PPP1R10: variants seen among roughly 807,000 people sequenced by gnomAD.
PPP1R10 encodes the protein serine/threonine-protein phosphatase 1 regulatory subunit 10.
A neutral mutation model predicts 99.0 loss-of-function variants in PPP1R10; 15 were observed. The ratio of observed to expected loss-of-function variants is 0.15; its 90% CI spans 0.10 to 0.23. PPP1R10 has a LOEUF of 0.23. Ranked by LOEUF, PPP1R10 falls within the 10% of genes least tolerant of loss-of-function variation. The pLI, the probability that PPP1R10 is intolerant of heterozygous loss-of-function variation, is 1.00. For missense variants in PPP1R10, 947 were observed against 1,259.4 expected, an observed-to-expected ratio of 0.75 and a Z score of 3.75; for synonymous variants, 430 against 449.5, an observed-to-expected ratio of 0.96 and a Z score of 0.55.
At position 30,603,635 on chromosome 6, in the gene PPP1R10, T is replaced by G. The variant is rs1803608305; in HGVS notation, c.1604A>C (p.Glu535Ala). The G allele has an allele frequency of 6.2e-7, 1 of 1,611,214 alleles. No homozygotes were observed. ...ACCTGACCCCCCAGGTTCCAGAGTC[T>G]CAACATACGGAGTCTCATCCATGGA... is the stretch of plus-strand genomic sequence containing the variant. ...ECSMDETPYV[E>A]TLEPGGSGGS... The change falls in exon 16 of 20, where the codon GAG (glutamate) becomes GCG (alanine). Residue 535 changes from glutamate (E) to alanine (A), a missense_variant. Glu to Ala is a moderately radical substitution (Grantham distance 107, BLOSUM62 -1). This residue lies in a region of PPP1R10 where 525 missense variants were observed against 578.8 expected (regional missense o/e 0.91). Coordinates refer to ENST00000376511, the MANE Select transcript of PPP1R10 (RefSeq NM_002714.4).
chr6:30,612,694 C>G (rs1804678860), intron 2 of PPP1R10, among the ~76,000 whole-genome samples: 1 of 152,000 alleles, frequency 6.6e-6, no homozygotes, highest in African/African-American at 2.4e-5. Context: ...AATTAAGGAC[C>G]CCAAGTGTCT....
chr6:30,615,298 G>A (rs936287371), intron 2 of PPP1R10, among the ~76,000 whole-genome samples: 21 of 150,002 alleles, frequency 1.4e-4, no homozygotes, highest in African/African-American at 5.1e-4. Flanking sequence ...ATTTTGATCA[G>A]TAAGAGCGTA....
At position 30,606,994 on chromosome 6, in the gene PPP1R10, AG is replaced by A. The variant is rs1804020188; in HGVS notation, c.383-139del. ...AACCCAAAGTTTTAAGAAGAACATG[AG>A]ATATGCTTAAAAACCAAACCCTTAA... On this transcript the variant is annotated intron_variant, in intron 6 of 19. Transcript: ENST00000376511. This position sits in a 1 kb window ranked among gnomAD's most constrained non-coding sequence, Gnocchi z 6.3. 1 of 756,640 alleles carries A rather than the reference AG, an allele frequency of 1.3e-6. No individual in the cohort carries two copies. The highest frequency in any genetic ancestry group is 1.8e-5 in the African/African-American group (1 of 56,370). The allele number at this position is 756,640 out of a possible 1,614,324, so 46.9% of individuals were successfully genotyped here. A position where few individuals can be genotyped will look rare whatever the true frequency, so the allele number is the denominator to read the frequency against.
rs368883966 is a variant in PPP1R10 at position 30,609,973 on chromosome 6, A to G, written c.-11-18T>C. On this transcript the variant is annotated intron_variant, in intron 2 of 19. Coordinates refer to ENST00000376511, the MANE Select transcript of PPP1R10 (RefSeq NM_002714.4). This position sits in a 1 kb window ranked among gnomAD's most constrained non-coding sequence, Gnocchi z 4.5. ...GGTGGTTTCTATGGTAAGAGGACAA[A>G]ACAAACAAACCCACAGAATAAATGG... 1,085 of 1,551,266 alleles carry G rather than the reference A, an allele frequency of 7.0e-4. 7 individuals carry two copies. The highest frequency in any genetic ancestry group is 4.5e-3 in the South Asian group (406 of 89,766).
At position 30,605,915 on chromosome 6, in the gene PPP1R10, A is replaced by G; in HGVS notation, c.853+8T>C. Reference sequence around the variant, plus strand: ...ATTCAAAGTACATCTTCCCCACTTTAGACTCACGCTGTGGCGGGATGATCT... The same window carrying G: ...ATTCAAAGTACATCTTCCCCACTTTGGACTCACGCTGTGGCGGGATGATCT... On this transcript the variant is annotated splice_region_variant and intron_variant, in intron 10 of 19. Coordinates refer to ENST00000376511, the MANE Select transcript of PPP1R10 (RefSeq NM_002714.4). 3 of 1,603,228 alleles carry G rather than the reference A, an allele frequency of 1.9e-6. No homozygotes were observed. Among genetic ancestry groups the G allele is most frequent in the Non-Finnish European group, 1.7e-6 (2 of 1,171,262 alleles).
In PPP1R10 at chr6:30,610,566, G is replaced by A. The variant is rs569299392; in HGVS notation, c.-11-611C>T. 5.9e-5 allele frequency among the ~76,000 whole-genome samples: 9 copies of A among 152,334 alleles called. No homozygotes were observed. The East Asian group carries it at 1.5e-3, about 26-fold the overall frequency. On this transcript the variant is annotated intron_variant, in intron 2 of 19. Coordinates refer to ENST00000376511, the MANE Select transcript of PPP1R10 (RefSeq NM_002714.4). ...TGAAAACAGAATCCCTCCCTAAGGA[G>A]ATCTGGGAGTAGGTGCCAGAGATTG...
chr6:30,602,992 G>T lies in PPP1R10; in HGVS notation c.1844-33C>A. 6.7e-7 allele frequency: 1 copy of T among 1,503,304 alleles called. No individual in the cohort carries two copies. Among genetic ancestry groups the T allele is most frequent in the Non-Finnish European group, 9.0e-7 (1 of 1,114,910 alleles). The allele number at this position is 1,503,304 out of a possible 1,614,324, so 93.1% of individuals were successfully genotyped here. ...TGAAAACAAGAGTAACACAGCATGA[G>T]CACTCTAGAAGACTAGCATGATCTC... is the stretch of plus-strand genomic sequence containing the variant. On this transcript the variant is annotated intron_variant, in intron 17 of 19. Coordinates refer to ENST00000376511, the MANE Select transcript of PPP1R10 (RefSeq NM_002714.4). This position sits in a 1 kb window ranked among gnomAD's most constrained non-coding sequence, Gnocchi z 6.7.
Position 30,609,799 on chromosome 6 carries a change from C to T in PPP1R10, c.107+39G>A, listed in dbSNP as rs778169433. 30 of 1,534,080 alleles carry T rather than the reference C, an allele frequency of 2.0e-5. No individual in the cohort carries two copies. Among genetic ancestry groups the T allele is most frequent in the Non-Finnish European group, 2.7e-5 (30 of 1,107,170 alleles). ...CAGCCATGTTTTAACACACAATATT[C>T]TCTACTCACAGTGAATACAAAAAGG... is the stretch of plus-strand genomic sequence containing the variant. On this transcript the variant is annotated intron_variant, in intron 3 of 19. Coordinates refer to ENST00000376511, the MANE Select transcript of PPP1R10 (RefSeq NM_002714.4). This position sits in a 1 kb window ranked among gnomAD's most constrained non-coding sequence, Gnocchi z 4.5.
Position 30,606,891 on chromosome 6 carries a change from T to C in PPP1R10, c.383-35A>G, listed in dbSNP as rs1804008794. 1.0e-5 allele frequency: 16 copies of C among 1,545,594 alleles called. No individual in the cohort carries two copies. The highest frequency in any genetic ancestry group is 1.4e-5 in the Non-Finnish European group (16 of 1,120,406). The stretch of plus-strand genomic sequence containing the variant: ...ACAGAAAGGGGAAATGCCTAAATAA[T>C]GTAAAGTAACATTCTTCCAGGAACA... On this transcript the variant is annotated intron_variant, in intron 6 of 19. Coordinates refer to ENST00000376511, the MANE Select transcript of PPP1R10 (RefSeq NM_002714.4). This position sits in a 1 kb window ranked among gnomAD's most constrained non-coding sequence, Gnocchi z 6.3.
chr6:30,613,429 C>G (rs940711511), intron 2 of PPP1R10, among the ~76,000 whole-genome samples: 1 of 152,186 alleles, frequency 6.6e-6, no homozygotes, highest in African/African-American at 2.4e-5. Context: ...GTTCCCCTTC[C>G]TTTCTTCAGT....
chr6:30,615,611 T>C (rs1464706417), intron 2 of PPP1R10, among the ~76,000 whole-genome samples: 1 of 152,174 alleles, frequency 6.6e-6, no homozygotes, highest in East Asian at 1.9e-4. Context: ...AAAGCTAGCA[T>C]TCAATTGCAC....
At chr6:30,614,025 T>C (rs1484127347) in intron 2 of PPP1R10, among the ~76,000 whole-genome samples, 1 of 152,174 alleles carries the variant, frequency 6.6e-6, no homozygotes, top group African/African-American at 2.4e-5. Context: ...TACTTTCCAA[T>C]TCTGCCTAGA....
Position 30,606,566 on chromosome 6 carries a change from T to G in PPP1R10, c.536A>C (p.Lys179Thr). 2 of 1,614,188 alleles carry G rather than the reference T, an allele frequency of 1.2e-6. No homozygotes were observed. The highest frequency in any genetic ancestry group is 1.7e-4 in the Middle Eastern group (1 of 6,054). The change falls in exon 8 of 20, where the codon AAG (lysine) becomes ACG (threonine). Residue 179 changes from lysine to threonine, a missense_variant. Lys to Thr is a moderately conservative substitution (Grantham distance 78). This residue lies in a region of PPP1R10 where 92 missense variants were observed against 159.2 expected (regional missense o/e 0.58). Coordinates refer to ENST00000376511, the MANE Select transcript of PPP1R10 (RefSeq NM_002714.4). This position sits in a 1 kb window ranked among gnomAD's most constrained non-coding sequence, Gnocchi z 6.3. ...GGCCTCCTCAGCCCGGGTCTCAGCC[T>G]TCACCTCTGTCAAAGGTCGCTCAGG... is the stretch of plus-strand genomic sequence containing the variant. ...TLPERPLTEV[K>T]AETRAEEAPE...
chr6:30,607,379 T>C (rs1036534088), intron 6 of PPP1R10, among the ~76,000 whole-genome samples: 1 of 152,252 alleles, frequency 6.6e-6, no homozygotes, highest in African/African-American at 2.4e-5. Flanking sequence ...AATTTGTTTC[T>C]AAATATATGA....
intron 2 of PPP1R10, among the ~76,000 whole-genome samples, chr6:30,612,615 C>T (rs1804669277): frequency 6.6e-6 from 1 of 152,132 alleles, no homozygotes; most frequent in African/African-American, 2.4e-5. Flanking sequence ...TCATGAGCAC[C>T]AATCTTGATA....
intron 10 of PPP1R10, among the ~76,000 whole-genome samples, chr6:30,605,541 G>T (rs1222499282): frequency 6.6e-6 from 1 of 152,078 alleles, no homozygotes; most frequent in Admixed American, 6.5e-5. Context: ...AAAACTTCTC[G>T]TTCCCAGGGA....
Position 30,601,187 on chromosome 6 carries a change from T to G in PPP1R10, c.*362A>C. On this transcript the variant is annotated 3_prime_UTR_variant, in exon 20 of 20. Coordinates refer to ENST00000376511, the MANE Select transcript of PPP1R10 (RefSeq NM_002714.4). ...TCTGTGTGCATGTGGGGACCCGCAA[T>G]AGAAGGGTAGGGGTGTTCGCCAGGA... 1 of 246,202 alleles carries G rather than the reference T, an allele frequency of 4.1e-6. No individual in the cohort carries two copies. Among genetic ancestry groups the G allele is most frequent in the Non-Finnish European group, 7.9e-6 (1 of 126,612 alleles). The allele number at this position is 246,202 out of a possible 1,614,324, so 15.3% of individuals were successfully genotyped here.
chr6:30,603,977 C>T, intron 14 of PPP1R10, 31 bp downstream of exon 14: 2 of 1,553,324 alleles, frequency 1.3e-6, no homozygotes, highest in Non-Finnish European at 1.7e-6. Flanking sequence ...AAGCACTCAA[C>T]ATCCCAGGGC....
rs983331528 is a variant in PPP1R10 at position 30,608,771 on chromosome 6, A to C, written c.330+8T>G. 4 of 1,613,170 alleles carry C rather than the reference A, an allele frequency of 2.5e-6. No homozygotes were observed. The highest frequency in any genetic ancestry group is 3.4e-6 in the Non-Finnish European group (4 of 1,179,476). Reference sequence around the variant, plus strand: ...AAGGAAGAATCAGGGTTTAAAGACTAAAGGTACCTGCTTGAGATGGTCTAC... The same window carrying C: ...AAGGAAGAATCAGGGTTTAAAGACTCAAGGTACCTGCTTGAGATGGTCTAC... On this transcript the variant is annotated splice_region_variant and intron_variant, in intron 5 of 19. Transcript: ENST00000376511.
Sources: gnomAD v4.1 joint callset for allele counts (sites outside exome capture counted in the v4.1 genomes callset) on GRCh38, gnomAD v4.1.1 for gene constraint, gnomAD v4.1.1 regional missense constraint, Gnocchi (gnomAD v3.1) non-coding constraint, MANE v1.5 for transcripts, NCBI Gene and HGNC (gene_info 2026-07-23, HGNC 2026-07-21) for gene names.